OSBPL11: variants seen among roughly 807,000 people sequenced by gnomAD.
OSBPL11 encodes oxysterol binding protein like 11, also known as oxysterol-binding protein-related protein 11.
A neutral mutation model predicts 84.4 loss-of-function variants in OSBPL11; 33 were observed. The observed-to-expected ratio is 0.39, with a 90% CI of 0.30 to 0.52. The LOEUF is 0.52. Among genes scored for constraint, OSBPL11 ranks in the 20% least tolerant of loss-of-function variants. The pLI is 0.72. For missense variants in OSBPL11, 736 were observed against 901.1 expected (o/e 0.82, Z 2.35); for synonymous variants, 276 against 310.2 (o/e 0.89, Z 1.16).
intron 10 of OSBPL11, among the ~76,000 whole-genome samples, chr3:125,542,599 C>T (rs532566998): frequency 2.0e-5 from 3 of 151,942 alleles, no homozygotes; most frequent in African/African-American, 7.2e-5. Flanking sequence ...AGCCCCGCCT[C>T]CCAGGTTCAC....
Position 125,579,044 on chromosome 3 carries a change from TAAA to T in OSBPL11, c.410-8_410-6del. 6.4e-7 allele frequency: 1 copy of T among 1,561,550 alleles called. No individual in the cohort carries two copies. Among genetic ancestry groups the T allele is most frequent in the Non-Finnish European group, 8.7e-7 (1 of 1,148,220 alleles). On this transcript the variant is annotated splice_polypyrimidine_tract_variant and splice_region_variant and intron_variant, in intron 3 of 12. Transcript: ENST00000296220. Reference sequence around the variant, plus strand: ...GTCGCTCTTTTGCATCTGTAGCTGTTAAAAGAATGTAAAAATTATTTTATATTT... The same window carrying T: ...GTCGCTCTTTTGCATCTGTAGCTGTTAGAATGTAAAAATTATTTTATATTT...
At position 125,567,486 on chromosome 3, in the gene OSBPL11, G is replaced by T; in HGVS notation, c.776C>A (p.Ala259Asp). ...SLDQDLLMLKATSMATMNCLN... is the reference protein window; with the variant it reads ...SLDQDLLMLKDTSMATMNCLN... Reference sequence around the variant, plus strand: ...GCAGTTCATAGTTGCCATGGAAGTAGCTTTGAGCATTAAGAGATCCTGGTC... The same window carrying T: ...GCAGTTCATAGTTGCCATGGAAGTATCTTTGAGCATTAAGAGATCCTGGTC... Residue 259 changes from alanine to aspartate, a missense_variant, in exon 6 of 13, where the codon GCT (alanine) becomes GAT (aspartate). Physicochemically the swap from Ala to Asp is moderately radical, Grantham distance 126. Coordinates refer to ENST00000296220, the MANE Select transcript of OSBPL11 (RefSeq NM_022776.5). The T allele has an allele frequency of 6.2e-7, 1 of 1,614,028 alleles. No individual in the cohort carries two copies. Among genetic ancestry groups the T allele is most frequent in the Non-Finnish European group, 8.5e-7 (1 of 1,179,920 alleles).
intron 9 of OSBPL11, among the ~76,000 whole-genome samples, chr3:125,549,823 G>A (rs968240941): frequency 2.0e-5 from 3 of 152,118 alleles, no homozygotes; most frequent in African/African-American, 7.2e-5. Flanking sequence ...TTCTTGCAGT[G>A]TGAGAGGCTA....
At position 125,575,584 on chromosome 3, in the gene OSBPL11, C is replaced by T. The variant is rs536541232; in HGVS notation, c.666+605G>A. ...TCACTCTGCTACCCAGGCTGGAGTGCTGTGGCACAATCATAAATCACTGCA... is the reference window on the plus strand; with the variant it reads ...TCACTCTGCTACCCAGGCTGGAGTGTTGTGGCACAATCATAAATCACTGCA... On this transcript the variant is annotated intron_variant, in intron 5 of 12. Transcript: ENST00000296220. Among the ~76,000 whole-genome samples the T allele has an allele frequency of 4.6e-5, 7 of 152,036 alleles. No homozygotes were observed. In the South Asian group the frequency reaches 1.5e-3, roughly 32 times the overall value.
chr3:125,534,655 A>G (rs1169092297), intron 11 of OSBPL11, among the ~76,000 whole-genome samples: 1 of 151,856 alleles, frequency 6.6e-6, no homozygotes, highest in Non-Finnish European at 1.5e-5. Flanking sequence ...GTCATCAGAT[A>G]GAAATAAAGC....
chr3:125,534,233 A>T (rs1263232627), intron 11 of OSBPL11, among the ~76,000 whole-genome samples: 2 of 152,116 alleles, frequency 1.3e-5, no homozygotes, highest in African/African-American at 4.8e-5. Flanking sequence ...ATATAAAAAA[A>T]TTAGCTGGGT....
At chr3:125,562,905 A>G (rs1056794442) in intron 7 of OSBPL11, among the ~76,000 whole-genome samples, 3 of 152,138 alleles carry the variant, frequency 2.0e-5, no homozygotes, top group Admixed American at 6.6e-5. Flanking sequence ...CAGCCTGGGC[A>G]ATAAGAGCGA....
chr3:125,539,982 G>A (rs1013855516), intron 10 of OSBPL11, among the ~76,000 whole-genome samples: 3 of 152,156 alleles, frequency 2.0e-5, no homozygotes, highest in Non-Finnish European at 2.9e-5. Flanking sequence ...TAAGCTAAGG[G>A]AACAAGAAGG....
chr3:125,567,061 A>C (rs971615528), intron 6 of OSBPL11, among the ~76,000 whole-genome samples: 2 of 152,242 alleles, frequency 1.3e-5, no homozygotes. Context: ...ACTTTGGTCA[A>C]CTGGATGAAC....
At chr3:125,584,485 T>C (rs998635414) in intron 1 of OSBPL11, among the ~76,000 whole-genome samples, 4 of 152,232 alleles carry the variant, frequency 2.6e-5, no homozygotes, top group Non-Finnish European at 5.9e-5. Flanking sequence ...TGAGGTAGTA[T>C]ACAACCTAAA....
intron 9 of OSBPL11, 52 bp from the exon 10 acceptor site, chr3:125,547,644 T>C (rs377669724): frequency 1.1e-4 from 149 of 1,358,668 alleles, no homozygotes; most frequent in Non-Finnish European, 1.4e-4. Context: ...AAACAGCTAA[T>C]GAAACAATCC....
intron 5 of OSBPL11, 133 bp from the exon 6 acceptor site, chr3:125,567,728 C>G: frequency 2.8e-6 from 2 of 706,728 alleles, no homozygotes; most frequent in South Asian, 1.9e-5. Context: ...CATGGTGGCT[C>G]ACACCTATAA....
intron 1 of OSBPL11, among the ~76,000 whole-genome samples, chr3:125,588,572 A>C (rs1358651023): frequency 6.6e-6 from 1 of 152,194 alleles, no homozygotes; most frequent in Admixed American, 6.6e-5. Context: ...AGTAAATATG[A>C]GGTACCAGGC....
intron 11 of OSBPL11, among the ~76,000 whole-genome samples, chr3:125,535,928 T>A (rs1580031296): frequency 6.7e-6 from 1 of 149,940 alleles, no homozygotes; most frequent in African/African-American, 2.4e-5. Flanking sequence ...AGATCAGGAG[T>A]TCAAGACCAG....
At chr3:125,538,693 G>A (rs910752321) in intron 10 of OSBPL11, 60 bp from the exon 11 acceptor site, 1 of 1,451,982 alleles carries the variant, frequency 6.9e-7, no homozygotes, top group African/African-American at 1.4e-5. Flanking sequence ...TTGTTTCTTA[G>A]ATCTGAAACC....
At chr3:125,538,034 T>C (rs1935667777) in intron 11 of OSBPL11, among the ~76,000 whole-genome samples, 1 of 152,238 alleles carries the variant, frequency 6.6e-6, no homozygotes, top group South Asian at 2.1e-4. Context: ...TGAATTCTAA[T>C]TACCCTAAAC....
At chr3:125,538,281 G>A (rs57657445) in intron 11 of OSBPL11, among the ~76,000 whole-genome samples, 170 bp downstream of exon 11, 110 of 152,248 alleles carry the variant, frequency 7.2e-4, no homozygotes, top group African/African-American at 2.5e-3. Flanking sequence ...GTATATCAAA[G>A]AATCTCACAG....
Position 125,595,151 on chromosome 3 carries a change from A to G in OSBPL11, c.-351T>C. 5.6e-6 allele frequency: 1 copy of G among 177,288 alleles called. No homozygotes were observed. Among genetic ancestry groups the G allele is most frequent in the Non-Finnish European group, 1.2e-5 (1 of 82,770 alleles). 11.0% of individuals were successfully genotyped at this position (177,288 alleles called of 1,614,324 possible). On this transcript the variant is annotated 5_prime_UTR_variant, in exon 1 of 13. Transcript: ENST00000296220. ...AGATTCTGTAGCCAAGACGGCTGGG[A>G]AAAGGACGGAGCGCCACGGACAGGG...
intron 12 of OSBPL11, 38 bp from the exon 13 acceptor site, chr3:125,530,618 T>C (rs1935542483): frequency 1.3e-6 from 2 of 1,545,256 alleles, no homozygotes; most frequent in African/African-American, 2.7e-5. Flanking sequence ...ATCCCTCTAA[T>C]ATTATCAAAA....
Sources: gnomAD v4.1 joint callset for allele counts (sites outside exome capture counted in the v4.1 genomes callset) on GRCh38, gnomAD v4.1.1 for gene constraint, MANE v1.5 for transcripts, NCBI Gene and HGNC (gene_info 2026-07-23, HGNC 2026-07-21) for gene names.